ATF6: variants seen among roughly 807,000 people sequenced by gnomAD.
ATF6 encodes cyclic AMP-dependent transcription factor ATF-6 alpha.
In ATF6, 53 loss-of-function variants were observed where a neutral mutation model predicts 83.6. The observed-to-expected ratio is 0.63, with a 90% CI of 0.51 to 0.80. ATF6 has a LOEUF of 0.80. Ranked by LOEUF, ATF6 falls within the 30% of genes least tolerant of loss-of-function variation. The pLI is 0.00. For synonymous variants in ATF6, 288 were observed against 285.8 expected (o/e 1.01, Z -0.08); for missense variants, 744 against 797.9 (o/e 0.93, Z 0.81).
At chr1:161,910,218 CTT>C (rs1286420065) in intron 14 of ATF6, among the ~76,000 whole-genome samples, 1 of 152,080 alleles carries the variant, frequency 6.6e-6, no homozygotes, top group African/African-American at 2.4e-5. Flanking sequence ...TATATAGACA[CTT>C]ATTTTTATTA....
chr1:161,914,136 A>G (rs2101890012), intron 15 of ATF6, among the ~76,000 whole-genome samples: 1 of 152,334 alleles, frequency 6.6e-6, no homozygotes, highest in South Asian at 2.1e-4. Flanking sequence ...AAAAATCAAA[A>G]TTCAAATTCA....
intron 9 of ATF6, among the ~76,000 whole-genome samples, chr1:161,832,436 A>T (rs932702887): frequency 6.6e-6 from 1 of 152,180 alleles, no homozygotes; most frequent in African/African-American, 2.4e-5. Flanking sequence ...CGCACCGTGC[A>T]TGAGCTGAAG....
intron 9 of ATF6, 141 bp from the exon 10 acceptor site, chr1:161,846,308 T>G (rs1247452099): frequency 1.2e-6 from 1 of 846,838 alleles, no homozygotes; most frequent in Non-Finnish European, 1.7e-6. Flanking sequence ...AGTACCCTAT[T>G]TGTACTTGCG....
intron 12 of ATF6, among the ~76,000 whole-genome samples, chr1:161,855,035 G>A (rs74125026): frequency 0.015 from 2,350 of 152,152 alleles, 67 homozygotes; most frequent in African/African-American, 0.054. Context: ...GCAGATGTAG[G>A]CTCATAGCAA....
chr1:161,894,205 A>G lies in ATF6; in HGVS notation c.1720-18091A>G, dbSNP rs75256103. Among the ~76,000 whole-genome samples, 12 of 149,722 alleles carry G rather than the reference A, an allele frequency of 8.0e-5. No individual in the cohort carries two copies. In the East Asian group the frequency reaches 2.3e-3, roughly 29 times the overall value. On this transcript the variant is annotated intron_variant, in intron 14 of 15. Transcript: ENST00000367942. ...AAGCCACGTTTTTGTTCCTTTTAAG[A>G]TGGCAGCTGAATTGAGCAGGTGTTT...
At chr1:161,807,920 C>G (rs1195851816) in intron 7 of ATF6, among the ~76,000 whole-genome samples, 1 of 116,636 alleles carries the variant, frequency 8.6e-6, no homozygotes, top group Non-Finnish European at 1.6e-5. Flanking sequence ...TGCTCTGTTG[C>G]CCAGGCTGGA....
chr1:161,853,243 G>C lies in ATF6; in HGVS notation c.1453G>C (p.Gly485Arg). 1 of 1,610,264 alleles carries C rather than the reference G, an allele frequency of 6.2e-7. No individual in the cohort carries two copies. The highest frequency in any genetic ancestry group is 1.1e-5 in the South Asian group (1 of 90,790). The change falls in exon 12 of 16, where the codon GGA becomes CGA. Residue 485 changes from glycine to arginine, a missense_variant. Coordinates refer to ENST00000367942, the MANE Select transcript of ATF6 (RefSeq NM_007348.4). ...TTATAGGTTAAATCATGAACTTCGA[G>C]GATGGGTTCATAGACATGAAGTAGA... Reference protein sequence around the residue: ...ESLRLNHELRGWVHRHEVERT... With the variant: ...ESLRLNHELRRWVHRHEVERT...
chr1:161,853,310 C>A lies in ATF6; in HGVS notation c.1520C>A (p.Thr507Asn), dbSNP rs201415050. ...SRRMTNNQQK[T>N]RILQGALEQG... ...AGAATGACAAATAATCAACAGAAAA[C>A]CCGTATTCTTCAGGTATGTTTCTGT... Residue 507 changes from threonine (T) to asparagine (N), a missense_variant, in exon 12 of 16, where the codon ACC (threonine) becomes AAC (asparagine). Thr to Asn is a moderately conservative substitution (Grantham distance 65). Transcript: ENST00000367942. The A allele has an allele frequency of 7.1e-5, 114 of 1,611,816 alleles. No homozygotes were observed. The highest frequency in any genetic ancestry group is 9.4e-5 in the Non-Finnish European group (111 of 1,178,298).
At chr1:161,776,333 A>C (rs1183724207) in intron 1 of ATF6, among the ~76,000 whole-genome samples, 1 of 152,122 alleles carries the variant, frequency 6.6e-6, no homozygotes, top group Non-Finnish European at 1.5e-5. Context: ...TTGCTGGGCA[A>C]TAGTCTCTCC....
chr1:161,773,614 C>T (rs1004793645), intron 1 of ATF6, among the ~76,000 whole-genome samples: 2 of 152,152 alleles, frequency 1.3e-5, no homozygotes, highest in Non-Finnish European at 2.9e-5. Context: ...TTGCTAAACC[C>T]AGTGACTGTG....
rs557040506 is a variant in ATF6 at position 161,797,362 on chromosome 1, G to A, written c.689-4690G>A. Among the ~76,000 whole-genome samples, 181 of 152,110 alleles carry A rather than the reference G, an allele frequency of 1.2e-3. 1 individual carries two copies. The highest frequency in any genetic ancestry group is 1.8e-3 in the Non-Finnish European group (125 of 67,982). ...AAAGAAATAAAAGGCATCCAAATAG[G>A]AAGAGAGGAAGTCAAACTACCTCTC... On this transcript the variant is annotated intron_variant, in intron 6 of 15. Transcript: ENST00000367942.
chr1:161,936,602 G>A lies in ATF6; in HGVS notation c.1805-21844G>A, dbSNP rs775576171. On this transcript the variant is annotated intron_variant, in intron 15 of 15. Coordinates refer to ENST00000367942, the MANE Select transcript of ATF6 (RefSeq NM_007348.4). ...AATTTCATCTTGTTGGAGTTTGCTCGTTTTCTTCTTACCTATGAAGCTGTT... is the reference window on the plus strand; with the variant it reads ...AATTTCATCTTGTTGGAGTTTGCTCATTTTCTTCTTACCTATGAAGCTGTT... 5.9e-5 allele frequency among the ~76,000 whole-genome samples: 9 copies of A among 152,068 alleles called. No homozygotes were observed. In the South Asian group the frequency reaches 6.2e-4, roughly 10 times the overall value.
intron 9 of ATF6, among the ~76,000 whole-genome samples, chr1:161,841,899 G>A (rs190780824): frequency 6.6e-6 from 1 of 152,134 alleles, no homozygotes; most frequent in Admixed American, 6.6e-5. Context: ...GGATACAGAT[G>A]GGATAGACTA....
chr1:161,833,411 CTT>C (rs1686123427), intron 9 of ATF6, among the ~76,000 whole-genome samples: 1 of 152,134 alleles, frequency 6.6e-6, no homozygotes, highest in Non-Finnish European at 1.5e-5. Flanking sequence ...CGGAGAATGA[CTT>C]TGACGAGTTG....
At chr1:161,773,140 A>AT (rs759769528) in intron 1 of ATF6, among the ~76,000 whole-genome samples, 127 of 130,014 alleles carry the variant, frequency 9.8e-4, no homozygotes, top group Middle Eastern at 4.0e-3. Flanking sequence ...TACTTTTTGT[A>AT]TTTTTTTTTT....
intron 14 of ATF6, among the ~76,000 whole-genome samples, chr1:161,908,935 A>G (rs1222930742): frequency 6.6e-6 from 1 of 152,196 alleles, no homozygotes; most frequent in Non-Finnish European, 1.5e-5. Context: ...CAAGAAGACT[A>G]AATTATAAAT....
At chr1:161,784,335 T>C (rs549368621) in intron 4 of ATF6, among the ~76,000 whole-genome samples, 1 of 152,342 alleles carries the variant, frequency 6.6e-6, no homozygotes, top group East Asian at 1.9e-4. Flanking sequence ...ATTTGTTTCA[T>C]TGCATTTTAA....
chr1:161,783,230 A>AGTCAAGTGGGC (rs1684675889), intron 3 of ATF6, among the ~76,000 whole-genome samples: 1 of 152,130 alleles, frequency 6.6e-6, no homozygotes, highest in Admixed American at 6.5e-5. Context: ...TCTTCTCTTG[A>AGTCAAGTGGGC]TTGAAGGAGT....
In ATF6 at chr1:161,821,101, G is replaced by A. The variant is rs754973294; in HGVS notation, c.1127G>A (p.Arg376Gln). Residue 376 changes from arginine (R) to glutamine (Q), a missense_variant, in exon 9 of 16, where the codon CGA (arginine) becomes CAA (glutamine). Coordinates refer to ENST00000367942, the MANE Select transcript of ATF6 (RefSeq NM_007348.4). ...AGGCTTAAAGTCCCTAGTCCAAAGC[G>A]AAGAGTTGTCTGTGTGATGATAGTA... ...NQRLKVPSPK[R>Q]RVVCVMIVLA... 31 of 1,612,944 alleles carry A rather than the reference G, an allele frequency of 1.9e-5. No homozygotes were observed. The highest frequency in any genetic ancestry group is 1.8e-4 in the East Asian group (8 of 44,810).
Sources: gnomAD v4.1 joint callset for allele counts (sites outside exome capture counted in the v4.1 genomes callset) on GRCh38, gnomAD v4.1.1 for gene constraint, MANE v1.5 for transcripts, NCBI Gene and HGNC (gene_info 2026-07-23, HGNC 2026-07-21) for gene names.